KCNC4: variants seen among roughly 807,000 people sequenced by gnomAD.
KCNC4 encodes potassium voltage-gated channel subfamily C member 4, also known as voltage-gated potassium channel KCNC4.
A neutral mutation model predicts 42.8 loss-of-function variants in KCNC4; 23 were observed. That is an observed-to-expected ratio of 0.54 (90% CI 0.39 to 0.76). KCNC4 has a LOEUF of 0.76. Ranked by LOEUF, KCNC4 falls within the 30% of genes least tolerant of loss-of-function variation. The pLI is 0.00. For synonymous variants in KCNC4, 422 were observed against 393.5 expected (o/e 1.07, Z -0.86); for missense variants, 751 against 898.2 (o/e 0.84, Z 2.10).
At chr1:110,255,475 T>G (rs1378378675) in intron 1 of KCNC4, among the ~76,000 whole-genome samples, 2 of 152,202 alleles carry the variant, frequency 1.3e-5, no homozygotes, top group Admixed American at 6.5e-5. Flanking sequence ...TTTAAGATGC[T>G]TAGCGGGGCT....
chr1:110,222,517 T>C (rs1051184047), intron 1 of KCNC4: 20 of 166,188 alleles, frequency 1.2e-4, no homozygotes, highest in Non-Finnish European at 2.3e-4. Flanking sequence ...TAAAGCCCAG[T>C]TACTGCAACT....
At chr1:110,222,874 T>C in intron 1 of KCNC4, 90 bp from the exon 2 acceptor site, 1 of 926,894 alleles carries the variant, frequency 1.1e-6, no homozygotes, top group East Asian at 2.6e-5. Context: ...ATGCCCTTCC[T>C]GGTAACCTTC....
rs1260956535 is a variant in KCNC4, at chr1:110,260,732, A to C, written n.31-21802A>C. ...GATCACGAGGTCAGGAGATCGAGAC[A>C]ATCCTGGCTAACACGGTGAAACCCC... is the stretch of plus-strand genomic sequence containing the variant. On this transcript the variant is annotated intron_variant and non_coding_transcript_variant, in intron 1 of 2. Transcript: ENST00000412512. Among the ~76,000 whole-genome samples the C allele has an allele frequency of 2.0e-5, 3 of 152,144 alleles. No homozygotes were observed. In the East Asian group the frequency reaches 5.8e-4, roughly 29 times the overall value.
In KCNC4 at chr1:110,233,672, G is replaced by A. The variant is rs1196581674; in HGVS notation, c.*700G>A. On this transcript the variant is annotated 3_prime_UTR_variant, in exon 4 of 4. Transcript: ENST00000438661. Reference sequence around the variant, plus strand: ...TTTGTTCTCTCTCCTTTGTCTGTTTGTTGTCAAAGATGCTGCTGGGCAGAC... The same window carrying A: ...TTTGTTCTCTCTCCTTTGTCTGTTTATTGTCAAAGATGCTGCTGGGCAGAC... 6.6e-6 allele frequency: 1 copy of A among 152,480 alleles called. No individual in the cohort carries two copies. The highest frequency in any genetic ancestry group is 1.5e-5 in the Non-Finnish European group (1 of 68,310). The allele number at this position is 152,480 out of a possible 1,614,324, so 9.4% of individuals were successfully genotyped here.
intron 2 of KCNC4, chr1:110,225,675 G>A (rs572702922): frequency 2.9e-6 from 1 of 342,556 alleles, no homozygotes; most frequent in South Asian, 5.9e-5. Context: ...CTGATCTCCT[G>A]GGGCAGCCGT....
chr1:110,254,095 G>A (rs202137309), downstream of KCNC4, among the ~76,000 whole-genome samples: 12 of 134,494 alleles, frequency 8.9e-5, no homozygotes, highest in African/African-American at 1.4e-4. Flanking sequence ...GAAGTCGGGG[G>A]GGGGGCGGCG....
chr1:110,271,691 A>C (rs575430326), intron 1 of KCNC4, among the ~76,000 whole-genome samples: 1 of 151,714 alleles, frequency 6.6e-6, no homozygotes, highest in Non-Finnish European at 1.5e-5. Flanking sequence ...CTCTGGAAAC[A>C]TTTAGGTCCA....
In KCNC4 at chr1:110,232,745, A is replaced by G. The variant is rs999549832; in HGVS notation, c.1820-166A>G. ...TGCCTTCCAGCTCTGCTCCTGGTCT[A>G]CTCCTTAGCCCACACCCTGTGGGTC... On this transcript the variant is annotated intron_variant, in intron 3 of 3. Transcript: ENST00000438661. 6.3e-5 allele frequency: 97 copies of G among 1,530,106 alleles called. 1 individual carries two copies. In the South Asian group the frequency reaches 8.2e-4, roughly 13 times the overall value. 94.8% of individuals were successfully genotyped at this position (1,530,106 alleles called of 1,614,324 possible).
chr1:110,276,299 CAA>C (rs3062031), intron 1 of KCNC4, among the ~76,000 whole-genome samples: 2,841 of 98,922 alleles, frequency 0.029, 42 homozygotes, highest in African/African-American at 0.085. Context: ...TCAATTTATA[CAA>C]AAAAAAAAAA....
Position 110,239,745 on chromosome 1 carries a change from C to T in KCNC4, c.*7436C>T, listed in dbSNP as rs371186172. The T allele has an allele frequency of 3.9e-5, 6 of 152,316 alleles. 1 individual carries two copies. Among genetic ancestry groups the T allele is most frequent in the African/African-American group, 1.4e-4 (6 of 41,560 alleles). 9.4% of individuals were successfully genotyped at this position (152,316 alleles called of 1,614,324 possible). ...TGAACGCTCTTCTTTTTACATTATG[C>T]ATTTCCTGCCTGAGAAACTGTCAGA... On this transcript the variant is annotated 3_prime_UTR_variant, in exon 4 of 4. Transcript: ENST00000369787.
intron 1 of KCNC4, among the ~76,000 whole-genome samples, chr1:110,257,324 T>C (rs111560462): frequency 0.026 from 3,980 of 152,184 alleles, 166 homozygotes; most frequent in African/African-American, 0.088. Flanking sequence ...AAGACGTCAG[T>C]TGGGAAAGTT....
At chr1:110,237,424 G>A (rs1162939103), downstream of KCNC4, 2 of 152,056 alleles carry the variant, frequency 1.3e-5, no homozygotes, top group Admixed American at 1.3e-4. Context: ...GTTAACATCT[G>A]GTGTGGGTCC....
chr1:110,283,583 C>T (rs1468327868), downstream of KCNC4, among the ~76,000 whole-genome samples: 1 of 152,138 alleles, frequency 6.6e-6, no homozygotes, highest in African/African-American at 2.4e-5. Flanking sequence ...CCTAGCAGAC[C>T]CAGATCTTCA....
intron 1 of KCNC4, among the ~76,000 whole-genome samples, chr1:110,254,697 G>A (rs898813630): frequency 1.3e-5 from 2 of 152,240 alleles, no homozygotes; most frequent in African/African-American, 4.8e-5. Flanking sequence ...TCCTGCCAAG[G>A]AGACTAGGAA....
chr1:110,254,050 G>C (rs955624869), downstream of KCNC4, among the ~76,000 whole-genome samples: 12 of 144,840 alleles, frequency 8.3e-5, no homozygotes, highest in Middle Eastern at 3.8e-3. Context: ...TCAGAGGCCT[G>C]CTACTGCTTC....
chr1:110,225,713 T>C, intron 2 of KCNC4: 1 of 446,058 alleles, frequency 2.2e-6, no homozygotes, highest in Non-Finnish European at 4.0e-6. Context: ...GAGTCACTGC[T>C]GTAGGGCATC....
Position 110,211,955 on chromosome 1 carries a change from C to T in KCNC4, c.456C>T (p.Arg152=). The change falls in exon 1 of 4, where the codon CGC becomes CGT. Residue 152 remains arginine (R), a synonymous_variant. Coordinates refer to ENST00000438661, the MANE Select transcript of KCNC4 (RefSeq NM_001039574.3). The surrounding 1 kb of genome is among the most constrained non-coding windows in gnomAD (Gnocchi z 6.5). ...GCTGGATGACCTACCGGCAGCACCG[C>T]GACGCCGAGGAGGCGCTCGACATCT... The part of the protein sequence containing the change: ...PCCWMTYRQH[R]DAEEALDIFE... 1.2e-6 allele frequency: 2 copies of T among 1,611,312 alleles called. No homozygotes were observed. Among genetic ancestry groups the T allele is most frequent in the Non-Finnish European group, 8.5e-7 (1 of 1,179,734 alleles).
intron 1 of KCNC4, among the ~76,000 whole-genome samples, chr1:110,256,363 T>TA (rs1659329619): frequency 1.3e-5 from 2 of 152,184 alleles, no homozygotes; most frequent in Admixed American, 6.5e-5. Flanking sequence ...AAGAATCTGT[T>TA]AGAGAATATT....
chr1:110,216,950 A>G (rs1657825180), intron 1 of KCNC4, among the ~76,000 whole-genome samples: 1 of 152,146 alleles, frequency 6.6e-6, no homozygotes, highest in Non-Finnish European at 1.5e-5. Context: ...CAGTCAGTGG[A>G]GCTGATGACC....
Sources: gnomAD v4.1 joint callset for allele counts (sites outside exome capture counted in the v4.1 genomes callset) on GRCh38, gnomAD v4.1.1 for gene constraint, Gnocchi (gnomAD v3.1) non-coding constraint, MANE v1.5 for transcripts, NCBI Gene and HGNC (gene_info 2026-07-23, HGNC 2026-07-21) for gene names.